Variants in MTSS1 observed in about 807,000 individuals in gnomAD.
MTSS1 encodes the protein protein MTSS 1.
MTSS1 carries 18 observed loss-of-function variants against 79.0 expected under a neutral mutation model. That is an observed-to-expected ratio of 0.23 (90% CI 0.16 to 0.34). The LOEUF (loss-of-function observed/expected upper bound fraction) is 0.34. Ranked by LOEUF, MTSS1 falls within the 10% of genes least tolerant of loss-of-function variation. The probability of loss-of-function intolerance (pLI) is 1.00; values close to 1 mark genes in which losing one functional copy is unlikely to be tolerated. For missense variants in MTSS1, 815 were observed against 986.2 expected, an observed-to-expected ratio of 0.83 and a Z score of 2.33; for synonymous variants, 341 against 368.6, an observed-to-expected ratio of 0.93 and a Z score of 0.86.
chr8:124,648,714 C>A (rs1375842436), intron 3 of MTSS1, among the ~76,000 whole-genome samples: 1 of 151,860 alleles, frequency 6.6e-6, no homozygotes, highest in Non-Finnish European at 1.5e-5. Flanking sequence ...TAGCAGCCCC[C>A]CCCCAGATAC....
intron 3 of MTSS1, among the ~76,000 whole-genome samples, chr8:124,672,742 C>T (rs1489074108): frequency 2.0e-5 from 3 of 152,052 alleles, no homozygotes; most frequent in Non-Finnish European, 2.9e-5. Context: ...CCAGGAAAGG[C>T]AAGGCTGCAG....
intron 13 of MTSS1, among the ~76,000 whole-genome samples, chr8:124,555,309 G>A (rs1021109567): frequency 4.6e-5 from 7 of 151,950 alleles, no homozygotes; most frequent in Admixed American, 6.5e-5. Context: ...GCAGTGGCGC[G>A]ATCTCAGCTC....
intron 3 of MTSS1, among the ~76,000 whole-genome samples, chr8:124,682,808 C>T (rs1296778879): frequency 6.6e-6 from 1 of 152,230 alleles, no homozygotes; most frequent in Non-Finnish European, 1.5e-5. Flanking sequence ...CACATGCCTA[C>T]ATATGACAAT....
chr8:124,613,215 G>A (rs1158961826), intron 3 of MTSS1, among the ~76,000 whole-genome samples: 1 of 152,192 alleles, frequency 6.6e-6, no homozygotes, highest in Non-Finnish European at 1.5e-5. Context: ...CCTGGTCACT[G>A]TTCCAGCTCT....
chr8:124,657,920 A>G (rs1297471444), intron 3 of MTSS1, among the ~76,000 whole-genome samples: 2 of 152,238 alleles, frequency 1.3e-5, no homozygotes, highest in Non-Finnish European at 2.9e-5. Context: ...GATGGTATTT[A>G]GAGGTGAGCC....
At chr8:124,568,947 A>C in intron 6 of MTSS1, 1 of 993,840 alleles carries the variant, frequency 1.0e-6, no homozygotes, top group South Asian at 2.7e-5. Flanking sequence ...AAAAACGGGC[A>C]CGGGCTGGCT....
chr8:124,646,594 G>A (rs1819036594), intron 3 of MTSS1, among the ~76,000 whole-genome samples: 1 of 152,138 alleles, frequency 6.6e-6, no homozygotes, highest in Non-Finnish European at 1.5e-5. Flanking sequence ...TGAGAAGACA[G>A]AAGAATTTGG....
chr8:124,698,335 C>G (rs771240658), intron 3 of MTSS1, among the ~76,000 whole-genome samples: 1 of 151,846 alleles, frequency 6.6e-6, no homozygotes, highest in Non-Finnish European at 1.5e-5. Context: ...AATGTCACCA[C>G]GACAATGAAA....
chr8:124,660,522 C>T (rs1000010520), intron 3 of MTSS1, among the ~76,000 whole-genome samples: 1 of 151,108 alleles, frequency 6.6e-6, no homozygotes, highest in Admixed American at 6.6e-5. Flanking sequence ...ATCAACAAGG[C>T]TTCCCACACA....
chr8:124,561,442 AG>A (rs1387634244), intron 10 of MTSS1, among the ~76,000 whole-genome samples: 4 of 152,076 alleles, frequency 2.6e-5, no homozygotes, highest in Non-Finnish European at 5.9e-5. Flanking sequence ...CAAAACAAAA[AG>A]CTACCCTAGA....
At chr8:124,660,171 C>T (rs536458045) in intron 3 of MTSS1, among the ~76,000 whole-genome samples, 12 of 152,172 alleles carry the variant, frequency 7.9e-5, no homozygotes, top group Admixed American at 2.6e-4. Context: ...AGAAATGAAC[C>T]TTCAAAAGCC....
At chr8:124,696,108 C>G (rs1564012461) in intron 3 of MTSS1, among the ~76,000 whole-genome samples, 1 of 152,086 alleles carries the variant, frequency 6.6e-6, no homozygotes, top group Non-Finnish European at 1.5e-5. Flanking sequence ...CTGCCTCAGC[C>G]TCCCAAGTAG....
chr8:124,664,437 T>C (rs1176665095), intron 3 of MTSS1, among the ~76,000 whole-genome samples: 1 of 152,174 alleles, frequency 6.6e-6, no homozygotes, highest in Non-Finnish European at 1.5e-5. Flanking sequence ...AACCCAACCA[T>C]TTCAGGTTGC....
chr8:124,567,219 G>T, intron 7 of MTSS1, 41 bp from the exon 8 acceptor site: 1 of 1,460,836 alleles, frequency 6.8e-7, no homozygotes, highest in South Asian at 1.1e-5. Flanking sequence ...TATCATGAGT[G>T]ATTCCCTTCA....
Position 124,591,248 on chromosome 8 carries a change from C to G in MTSS1, c.209-13G>C, listed in dbSNP as rs1476297847. 5.0e-6 allele frequency: 8 copies of G among 1,612,246 alleles called. No individual in the cohort carries two copies. The African/African-American group carries it at 1.1e-4, about 22-fold the overall frequency. ...TCCCTGGTCCCACCTGAAAAAGCAACAGAGGCAAAGGTGAGGGATAGAAGA... is the reference window on the plus strand; with the variant it reads ...TCCCTGGTCCCACCTGAAAAAGCAAGAGAGGCAAAGGTGAGGGATAGAAGA... On this transcript the variant is annotated splice_polypyrimidine_tract_variant and intron_variant, in intron 3 of 13. Transcript: ENST00000518547.
chr8:124,605,717 G>A (rs1834720877), intron 3 of MTSS1, among the ~76,000 whole-genome samples: 1 of 152,186 alleles, frequency 6.6e-6, no homozygotes, highest in African/African-American at 2.4e-5. Flanking sequence ...CAGGTTTCAT[G>A]CATGTGTCAC....
At chr8:124,719,794 CAAAT>C (rs920572479) in intron 1 of MTSS1, among the ~76,000 whole-genome samples, 3 of 152,176 alleles carry the variant, frequency 2.0e-5, no homozygotes, top group African/African-American at 7.2e-5. Flanking sequence ...TAGGGTGGCT[CAAAT>C]AGATACGAGC....
At chr8:124,591,128 C>A in intron 4 of MTSS1, 23 bp downstream of exon 4, 5 of 1,606,808 alleles carry the variant, frequency 3.1e-6, no homozygotes, top group Non-Finnish European at 4.3e-6. Flanking sequence ...TGTTGGCGAT[C>A]GGGGCCAAAA....
Position 124,555,867 on chromosome 8 carries a change from A to T in MTSS1, c.1442T>A (p.Leu481Gln). The change falls in exon 13 of 14, where the codon CTG becomes CAG. Residue 481 changes from leucine (L) to glutamine (Q), a missense_variant. Leu to Gln is a moderately radical substitution (Grantham distance 113, BLOSUM62 -2). Around this residue, in one of 2 missense-constraint regions of MTSS1, gnomAD observed 590 missense variants for 620.8 expected, o/e 0.95. Coordinates refer to ENST00000518547, the MANE Select transcript of MTSS1 (RefSeq NM_014751.6). ...EEMEACEELA[L>Q]ALSRGLQLDT... ...CAGCTGCAGGCCCCGAGACAGGGCC[A>T]GGGCCAGCTCCTCACAAGCCTCCAT... is the stretch of plus-strand genomic sequence containing the variant. 6.2e-7 allele frequency: 1 copy of T among 1,611,438 alleles called. No individual in the cohort carries two copies.
Sources: allele counts gnomAD v4.1 joint callset (sites outside exome capture counted in the v4.1 genomes callset), GRCh38; gene constraint gnomAD v4.1.1; regional missense constraint gnomAD v4.1.1; transcripts MANE v1.5; gene names NCBI Gene and HGNC (gene_info 2026-07-23, HGNC 2026-07-21).